The following NAV3 variants were observed in gnomAD, a reference collection of about 807,000 sequenced individuals.
NAV3 encodes the protein pore membrane and/or filament interacting like protein 1.
Under a neutral mutation model 244.7 loss-of-function variants are expected in NAV3, and 87 were observed. That is an observed-to-expected ratio of 0.36 (90% CI 0.30 to 0.42). The LOEUF is 0.42. Among genes scored for constraint, NAV3 ranks in the 20% least tolerant of loss-of-function variants. NAV3 has a pLI of 1.00. For synonymous variants in NAV3, 1,126 were observed against 1,042.2 expected (o/e 1.08, Z -1.55); for missense variants, 2,663 against 2,893.3 (o/e 0.92, Z 1.83).
At chr12:78,118,347 T>C (rs1323607530) in intron 14 of NAV3, 50 bp downstream of exon 14, 1 of 1,536,186 alleles carries the variant, frequency 6.5e-7, no homozygotes, top group African/African-American at 1.4e-5. Flanking sequence ...TACTTTATTG[T>C]TTCCATTCAA....
In NAV3 at chr12:77,901,442, G is replaced by T. The variant is rs184990381; in HGVS notation, c.244-38877G>T. 1.5e-3 allele frequency among the ~76,000 whole-genome samples: 232 copies of T among 152,266 alleles called. 1 individual carries two copies. The highest frequency in any genetic ancestry group is 5.6e-3 in the African/African-American group (231 of 41,538). ...CACAGGTTTCAGGCCAGGTGTGGTG[G>T]CTCACGCCTGGAATCCCAGCACTTT... On this transcript the variant is annotated intron_variant, in intron 1 of 39. Coordinates refer to ENST00000397909, the MANE Select transcript of NAV3 (RefSeq NM_001024383.2).
intron 22 of NAV3, among the ~76,000 whole-genome samples, chr12:78,154,059 T>C (rs1405877082): frequency 6.8e-6 from 1 of 147,126 alleles, no homozygotes; most frequent in African/African-American, 2.5e-5. Context: ...TTATACATAA[T>C]ATACTATATA....
intron 8 of NAV3, among the ~76,000 whole-genome samples, chr12:78,017,264 A>G (rs1446639706): frequency 6.6e-6 from 1 of 152,082 alleles, no homozygotes; most frequent in Admixed American, 6.6e-5. Flanking sequence ...ACTTTTAATT[A>G]CTACAACTCT....
At chr12:77,657,116 C>A (rs1242776597) in intron 2 of NAV3, among the ~76,000 whole-genome samples, 3 of 152,088 alleles carry the variant, frequency 2.0e-5, no homozygotes, top group Non-Finnish European at 4.4e-5. Flanking sequence ...CAGAGCAGAA[C>A]TGAAGGAAAT....
chr12:77,665,140 C>CT (rs1363622394), intron 2 of NAV3, among the ~76,000 whole-genome samples: 1 of 152,142 alleles, frequency 6.6e-6, no homozygotes, highest in Non-Finnish European at 1.5e-5. Flanking sequence ...GATACTTGAC[C>CT]TTTTGTAGTT....
At chr12:77,933,755 T>C (rs1386305810) in intron 1 of NAV3, among the ~76,000 whole-genome samples, 1 of 152,190 alleles carries the variant, frequency 6.6e-6, no homozygotes, top group Non-Finnish European at 1.5e-5. Context: ...AGTCATGAGA[T>C]TGGACTCATT....
At chr12:77,869,653 C>T (rs1268450046) in intron 1 of NAV3, among the ~76,000 whole-genome samples, 1 of 152,172 alleles carries the variant, frequency 6.6e-6, no homozygotes, top group African/African-American at 2.4e-5. Context: ...TCCATGACTC[C>T]TTGTCCCCAC....
Position 78,006,451 on chromosome 12 carries a change from G to C in NAV3, c.913G>C (p.Val305Leu), listed in dbSNP as rs756859196. The C allele has an allele frequency of 1.9e-6, 3 of 1,613,970 alleles. No homozygotes were observed. The highest frequency in any genetic ancestry group is 2.5e-6 in the Non-Finnish European group (3 of 1,180,000). ...CAAAGGACCTCAATCGTCTTCAGGT[G>C]TAAATGGTAACGTGCAGCCTCCCAG... Reference protein sequence around the residue: ...SSKGPQSSSGVNGNVQPPSTA... With the variant: ...SSKGPQSSSGLNGNVQPPSTA... Residue 305 changes from valine (V) to leucine (L), a missense_variant, in exon 8 of 40, where the codon GTA becomes CTA. Val to Leu is a conservative substitution (Grantham distance 32, BLOSUM62 1). Coordinates refer to ENST00000397909, the MANE Select transcript of NAV3 (RefSeq NM_001024383.2).
chr12:77,740,580 A>G (rs1868309788), intron 2 of NAV3, among the ~76,000 whole-genome samples: 1 of 152,208 alleles, frequency 6.6e-6, no homozygotes, highest in African/African-American at 2.4e-5. Context: ...GAGCTCATCA[A>G]ACACTAATAA....
chr12:78,084,717 C>A (rs1427994171), intron 12 of NAV3, among the ~76,000 whole-genome samples: 1 of 152,106 alleles, frequency 6.6e-6, no homozygotes, highest in Non-Finnish European at 1.5e-5. Context: ...TTTACCCCAT[C>A]ACTCTTCTAA....
At chr12:77,999,257 GGT>G (rs1198022194) in intron 7 of NAV3, among the ~76,000 whole-genome samples, 1 of 152,088 alleles carries the variant, frequency 6.6e-6, no homozygotes, top group African/African-American at 2.4e-5. Context: ...GAGGAACTAG[GGT>G]GTTCTGCTGG....
intron 34 of NAV3, 33 bp downstream of exon 34, chr12:78,190,252 A>G (rs1186196937): frequency 1.3e-6 from 2 of 1,539,898 alleles, no homozygotes; most frequent in African/African-American, 2.7e-5. Flanking sequence ...AACAGCTACA[A>G]TTTATCCATA....
At chr12:77,747,582 A>T (rs1160513569) in intron 2 of NAV3, among the ~76,000 whole-genome samples, 1 of 152,212 alleles carries the variant, frequency 6.6e-6, no homozygotes, top group Non-Finnish European at 1.5e-5. Context: ...ACACATGCAC[A>T]TGCATGTTTA....
intron 3 of NAV3, among the ~76,000 whole-genome samples, chr12:77,946,868 T>C (rs528905157): frequency 6.6e-6 from 1 of 152,244 alleles, no homozygotes; most frequent in Admixed American, 6.5e-5. Flanking sequence ...AAATAGACCA[T>C]TATATTTAAG....
At chr12:77,928,681 T>C (rs1362439795) in intron 1 of NAV3, among the ~76,000 whole-genome samples, 1 of 152,206 alleles carries the variant, frequency 6.6e-6, no homozygotes, top group African/African-American at 2.4e-5. Flanking sequence ...CAGAACATAC[T>C]GTAGTTAGCA....
chr12:77,873,773 T>TATATAAAA (rs762527287), intron 1 of NAV3, among the ~76,000 whole-genome samples: 2 of 128,622 alleles, frequency 1.6e-5, no homozygotes, highest in East Asian at 2.5e-4. Flanking sequence ...TATATGTATA[T>TATATAAAA]AACAGCATAT....
intron 2 of NAV3, among the ~76,000 whole-genome samples, chr12:77,639,279 T>C (rs2136946545): frequency 6.6e-6 from 1 of 152,346 alleles, no homozygotes; most frequent in Non-Finnish European, 1.5e-5. Context: ...TAGTCAGGTG[T>C]ACTTGTCTAA....
chr12:77,858,002 A>G (rs1191638139), intron 1 of NAV3, among the ~76,000 whole-genome samples: 1 of 152,104 alleles, frequency 6.6e-6, no homozygotes, highest in Admixed American at 6.6e-5. Context: ...GCAATTTGCC[A>G]AGAAAAAAAT....
intron 12 of NAV3, among the ~76,000 whole-genome samples, chr12:78,102,021 C>T (rs1388085889): frequency 6.6e-6 from 1 of 151,954 alleles, no homozygotes; most frequent in Non-Finnish European, 1.5e-5. Context: ...AAAAGTGGTG[C>T]CTTGATTTTG....
Sources: allele counts gnomAD v4.1 joint callset (sites outside exome capture counted in the v4.1 genomes callset), GRCh38; gene constraint gnomAD v4.1.1; transcripts MANE v1.5; gene names NCBI Gene and HGNC (gene_info 2026-07-23, HGNC 2026-07-21).